Variants in TMC1 observed in about 807,000 individuals in gnomAD.
TMC1 encodes the protein transmembrane channel like 1, also known as transmembrane channel-like protein 1.
A neutral mutation model predicts 105.8 loss-of-function variants in TMC1; 84 were observed. The ratio of observed to expected loss-of-function variants is 0.79; its 90% CI spans 0.67 to 0.95. TMC1 has a LOEUF of 0.95. TMC1 is among the 40% of genes least tolerant of loss of function. The pLI is 0.00. For missense variants in TMC1, 817 were observed against 914.1 expected (o/e 0.89, Z 1.37); for synonymous variants, 315 against 311.5 (o/e 1.01, Z -0.12).
At chr9:72,764,909 A>T (rs1375749592) in intron 12 of TMC1, among the ~76,000 whole-genome samples, 3 of 152,176 alleles carry the variant, frequency 2.0e-5, no homozygotes, top group African/African-American at 7.2e-5. Flanking sequence ...GCTGATGTAC[A>T]TATGTCTTAG....
chr9:72,673,993 A>G (rs1397396431), intron 5 of TMC1, among the ~76,000 whole-genome samples: 1 of 152,174 alleles, frequency 6.6e-6, no homozygotes, highest in African/African-American at 2.4e-5. Flanking sequence ...ACTGTATGCA[A>G]GAAGCAATCG....
At chr9:72,684,894 C>T (rs2793155) in intron 5 of TMC1, among the ~76,000 whole-genome samples, 84,533 of 151,862 alleles carry the variant, frequency 0.56, 24,901 homozygotes, top group African/African-American at 0.77. Context: ...TGTCATGCCA[C>T]TGATTAACAT....
intron 2 of TMC1, among the ~76,000 whole-genome samples, chr9:72,612,670 A>G (rs865814125): frequency 1.3e-5 from 2 of 152,212 alleles, no homozygotes; most frequent in Non-Finnish European, 2.9e-5. Context: ...CTTTTGGCCC[A>G]TAGGCTATAA....
intron 13 of TMC1, among the ~76,000 whole-genome samples, chr9:72,787,878 C>G (rs1828196015): frequency 6.6e-6 from 1 of 152,132 alleles, no homozygotes; most frequent in South Asian, 2.1e-4. Context: ...AGTTTCTTTG[C>G]CTGGTTTAGT....
In TMC1 at chr9:72,751,859, G is replaced by C. The variant is rs199560971; in HGVS notation, c.545G>C (p.Gly182Ala). 1 of 1,607,554 alleles carries C rather than the reference G, an allele frequency of 6.2e-7. No homozygotes were observed. The highest frequency in any genetic ancestry group is 1.7e-5 in the Admixed American group (1 of 59,988). The change falls in exon 11 of 24, where the codon GGC becomes GCC. Residue 182 changes from glycine to alanine, a missense_variant. Coordinates refer to ENST00000297784, the MANE Select transcript of TMC1 (RefSeq NM_138691.3). ...NKIKAIESQF[G>A]SSVASYFLFL... ...ATTTTCTTTGTAATAGGTCAGTTTG[G>C]CTCCTCAGTGGCCTCATACTTCCTC... is the stretch of plus-strand genomic sequence containing the variant.
At chr9:72,676,028 A>G (rs535367213) in intron 5 of TMC1, among the ~76,000 whole-genome samples, 2 of 152,314 alleles carry the variant, frequency 1.3e-5, no homozygotes, top group East Asian at 3.9e-4. Context: ...AGCATGGACT[A>G]GAATTCATCC....
At chr9:72,773,429 A>T (rs1827962454) in intron 13 of TMC1, among the ~76,000 whole-genome samples, 1 of 152,150 alleles carries the variant, frequency 6.6e-6, no homozygotes. Context: ...GCAGTCTGTG[A>T]CACACTTTGT....
chr9:72,830,359 T>C, intron 21 of TMC1, 92 bp from the exon 22 acceptor site: 3 of 879,644 alleles, frequency 3.4e-6, no homozygotes, highest in Non-Finnish European at 5.6e-6. Context: ...ATTCCCATGC[T>C]GATATTTCAT....
intron 7 of TMC1, among the ~76,000 whole-genome samples, chr9:72,695,609 T>C (rs927886632): frequency 1.4e-4 from 21 of 152,158 alleles, no homozygotes; most frequent in Non-Finnish European, 1.3e-4. Context: ...CATGAGGAAC[T>C]TTCTAAGATG....
At chr9:72,832,937 A>C (rs1829064972) in intron 23 of TMC1, among the ~76,000 whole-genome samples, 1 of 152,104 alleles carries the variant, frequency 6.6e-6, no homozygotes, top group South Asian at 2.1e-4. Context: ...CCCTGCACTC[A>C]AATACCCTAA....
At chr9:72,533,269 A>T (rs551181156) in intron 1 of TMC1, among the ~76,000 whole-genome samples, 2 of 152,322 alleles carry the variant, frequency 1.3e-5, no homozygotes, top group South Asian at 2.1e-4. Context: ...AGGCTTGGAG[A>T]TCTGGAGAAA....
intron 19 of TMC1, among the ~76,000 whole-genome samples, chr9:72,819,582 C>T (rs149114398): frequency 2.0e-5 from 3 of 152,104 alleles, no homozygotes; most frequent in Non-Finnish European, 4.4e-5. Flanking sequence ...ATCTATTGTC[C>T]GAAATCTTGT....
intron 1 of TMC1, among the ~76,000 whole-genome samples, chr9:72,560,738 C>T (rs1041013692): frequency 1.2e-4 from 18 of 151,854 alleles, no homozygotes; most frequent in African/African-American, 4.1e-4. Context: ...CCCGCCTCCG[C>T]CTCCCAAAGT....
intron 1 of TMC1, among the ~76,000 whole-genome samples, chr9:72,570,356 G>A (rs999811332): frequency 2.6e-5 from 4 of 151,378 alleles, no homozygotes. Flanking sequence ...TATTACCAAG[G>A]TAATCCACAA....
chr9:72,758,078 T>C (rs1461371924), intron 12 of TMC1, among the ~76,000 whole-genome samples: 1 of 152,220 alleles, frequency 6.6e-6, no homozygotes, highest in East Asian at 1.9e-4. Flanking sequence ...AACATTATTA[T>C]TTAAAAGAAA....
At chr9:72,671,334 C>A (rs1200691652) in intron 5 of TMC1, among the ~76,000 whole-genome samples, 1 of 152,208 alleles carries the variant, frequency 6.6e-6, no homozygotes, top group East Asian at 1.9e-4. Flanking sequence ...GACTTATGAT[C>A]TGCTTCAGAG....
chr9:72,816,063 G>GC, intron 18 of TMC1, 80 bp from the exon 19 acceptor site: 1 of 1,241,210 alleles, frequency 8.1e-7, no homozygotes, highest in Non-Finnish European at 1.2e-6. Context: ...TGAAACCCTA[G>GC]CCATGCCTAT....
intron 11 of TMC1, 114 bp downstream of exon 11, chr9:72,752,070 A>G (rs1827589273): frequency 1.2e-6 from 1 of 802,650 alleles, no homozygotes; most frequent in Non-Finnish European, 2.1e-6. Context: ...TCTTAGAGTC[A>G]TAGGATTTGT....
intron 20 of TMC1, among the ~76,000 whole-genome samples, chr9:72,822,334 T>C (rs1414059822): frequency 2.6e-5 from 4 of 152,236 alleles, no homozygotes; most frequent in Non-Finnish European, 4.4e-5. Flanking sequence ...AGTTATTTAA[T>C]TAAAGTCAAA....
Sources: gnomAD v4.1 joint callset for allele counts (sites outside exome capture counted in the v4.1 genomes callset) on GRCh38, gnomAD v4.1.1 for gene constraint, MANE v1.5 for transcripts, NCBI Gene and HGNC (gene_info 2026-07-23, HGNC 2026-07-21) for gene names.